The following ZMYND11 variants were observed in gnomAD, a reference collection of about 807,000 sequenced individuals.
ZMYND11 encodes zinc finger MYND domain-containing protein 11.
ZMYND11 carries 9 observed loss-of-function variants against 84.9 expected under a neutral mutation model. The observed-to-expected ratio is 0.11, with a 90% CI of 0.06 to 0.18. The LOEUF is 0.18. ZMYND11 is among the 10% of genes least tolerant of loss of function. The probability of loss-of-function intolerance (pLI) is 1.00; values close to 1 mark genes in which losing one functional copy is unlikely to be tolerated. For synonymous variants in ZMYND11, 250 were observed against 244.1 expected (o/e 1.02, Z -0.23); for missense variants, 409 against 761.0 (o/e 0.54, Z 5.44).
chr10:144,526 T>C (rs1838253851), intron 1 of ZMYND11, among the ~76,000 whole-genome samples: 1 of 152,000 alleles, frequency 6.6e-6, no homozygotes, highest in South Asian at 2.1e-4. Flanking sequence ...CTGGCCTATT[T>C]TTTAAAATAA....
intron 1 of ZMYND11, among the ~76,000 whole-genome samples, chr10:172,825 C>T (rs1314534513): frequency 6.6e-6 from 1 of 152,076 alleles, no homozygotes; most frequent in Non-Finnish European, 1.5e-5. Flanking sequence ...ACTGATACTA[C>T]CTGACTTAAA....
chr10:230,869 C>T (rs1367532022), intron 4 of ZMYND11, among the ~76,000 whole-genome samples: 1 of 152,102 alleles, frequency 6.6e-6, no homozygotes, highest in Non-Finnish European at 1.5e-5. Context: ...ACGTATCGAA[C>T]GTTTACTGTG....
intron 2 of ZMYND11, among the ~76,000 whole-genome samples, chr10:189,103 C>T (rs538870277): frequency 1.3e-5 from 2 of 152,184 alleles, no homozygotes; most frequent in Non-Finnish European, 2.9e-5. Flanking sequence ...GCTTACTTTA[C>T]GGTCAGACCC....
At chr10:240,183 T>C (rs1361382184) in intron 8 of ZMYND11, 72 bp downstream of exon 8, 10 of 1,298,904 alleles carry the variant, frequency 7.7e-6, no homozygotes, top group African/African-American at 4.5e-5. Context: ...TCCACTCTTA[T>C]CTACATTTTA....
chr10:227,064 CAA>C (rs1300606745), intron 4 of ZMYND11, among the ~76,000 whole-genome samples: 3 of 152,046 alleles, frequency 2.0e-5, no homozygotes, highest in African/African-American at 7.2e-5. Context: ...GCCCACTTAA[CAA>C]GATGTAGAAA....
At chr10:142,518 A>T (rs1554754195) in intron 1 of ZMYND11, among the ~76,000 whole-genome samples, 1 of 152,188 alleles carries the variant, frequency 6.6e-6, no homozygotes, top group African/African-American at 2.4e-5. Context: ...GAATAGACTT[A>T]GAAGGGTTAA....
In ZMYND11 at chr10:216,928, C is replaced by G. The variant is rs1013993008; in HGVS notation, c.277-4267C>G. 3.3e-5 allele frequency among the ~76,000 whole-genome samples: 5 copies of G among 151,988 alleles called. No homozygotes were observed. In the South Asian group the frequency reaches 8.3e-4, roughly 25 times the overall value. ...AAATATGTAACCATCAGATTATTAT[C>G]TCCTAATGATAAACAGAATTTGTTA... On this transcript the variant is annotated intron_variant, in intron 3 of 14. Coordinates refer to ENST00000381604, the MANE Select transcript of ZMYND11 (RefSeq NM_001370100.5).
intron 1 of ZMYND11, among the ~76,000 whole-genome samples, chr10:145,246 G>A (rs1838527843): frequency 1.3e-5 from 2 of 149,226 alleles, no homozygotes; most frequent in South Asian, 2.1e-4. Flanking sequence ...GTGTGTGTAT[G>A]TATATATATA....
chr10:239,388 G>C, intron 6 of ZMYND11, 50 bp from the exon 7 acceptor site: 1 of 1,495,740 alleles, frequency 6.7e-7, no homozygotes, highest in Non-Finnish European at 9.3e-7. Context: ...GTCCAGACAA[G>C]TATTTTTACT....
intron 1 of ZMYND11, among the ~76,000 whole-genome samples, chr10:146,729 C>T (rs991026774): frequency 6.6e-6 from 1 of 152,180 alleles, no homozygotes; most frequent in Non-Finnish European, 1.5e-5. Flanking sequence ...AATTGTAGCT[C>T]CCATAATCCC....
rs556783211 is a variant in ZMYND11, at chr10:226,049, G to C, written c.438+4693G>C. Among the ~76,000 whole-genome samples, 4 of 152,284 alleles carry C rather than the reference G, an allele frequency of 2.6e-5. No individual in the cohort carries two copies. The South Asian group carries it at 8.3e-4, about 32-fold the overall frequency. On this transcript the variant is annotated intron_variant, in intron 4 of 14. Transcript: ENST00000381604. ...CATGGGGCTTGTGGCTACCATATTA[G>C]ATAGTGCAGTTTTAGAACATTCATG...
chr10:166,618 T>A (rs950564515), intron 1 of ZMYND11, among the ~76,000 whole-genome samples: 3 of 152,108 alleles, frequency 2.0e-5, no homozygotes, highest in Non-Finnish European at 2.9e-5. Flanking sequence ...TGTGGAGAAA[T>A]TGGAACACTT....
intron 6 of ZMYND11, 91 bp downstream of exon 6, chr10:237,768 CTCT>C (rs1405393551): frequency 3.4e-6 from 3 of 894,288 alleles, no homozygotes; most frequent in Admixed American, 5.9e-5. Context: ...ATTTTGGTTG[CTCT>C]TCTTTCCTTG....
rs562249187 is a variant in ZMYND11, at chr10:236,547, ATTTG to A, written c.439-287_439-284del. Among the ~76,000 whole-genome samples the A allele has an allele frequency of 6.6e-4, 101 of 152,330 alleles. 2 individuals are homozygous for A. The South Asian group carries it at 0.013, about 19-fold the overall frequency. ...TAAGCGATTATCCCTTATGTCTATT[ATTTG>A]TTTATCTAAAAATTAAGTTTTAAAA... On this transcript the variant is annotated intron_variant, in intron 4 of 14. Coordinates refer to ENST00000381604, the MANE Select transcript of ZMYND11 (RefSeq NM_001370100.5).
chr10:199,742 T>G (rs947585439), intron 2 of ZMYND11, among the ~76,000 whole-genome samples: 1 of 152,182 alleles, frequency 6.6e-6, no homozygotes, highest in Non-Finnish European at 1.5e-5. Flanking sequence ...CACAACATTG[T>G]TTTTTGAAAC....
intron 10 of ZMYND11, among the ~76,000 whole-genome samples, chr10:246,512 G>A (rs1330655198): frequency 6.6e-6 from 1 of 152,190 alleles, no homozygotes; most frequent in Non-Finnish European, 1.5e-5. Flanking sequence ...TGTCGACTGT[G>A]AAAGACAAAA....
intron 4 of ZMYND11, among the ~76,000 whole-genome samples, chr10:235,539 C>A (rs1436046828): frequency 6.6e-6 from 1 of 152,092 alleles, no homozygotes; most frequent in African/African-American, 2.4e-5. Flanking sequence ...AACAAATGAA[C>A]AAGCAAATAC....
chr10:162,143 CAAG>C (rs1329251681), intron 1 of ZMYND11, among the ~76,000 whole-genome samples: 5 of 152,142 alleles, frequency 3.3e-5, no homozygotes, highest in East Asian at 1.9e-4. Context: ...TGTTGTGTCT[CAAG>C]GAGGCTCGAG....
intron 4 of ZMYND11, among the ~76,000 whole-genome samples, chr10:229,807 T>G (rs1948698118): frequency 1.3e-5 from 2 of 152,230 alleles, no homozygotes; most frequent in Admixed American, 6.5e-5. Context: ...CCAGCTTCAC[T>G]TTTAACTTCT....
Sources: gnomAD v4.1 joint callset for allele counts (sites outside exome capture counted in the v4.1 genomes callset) on GRCh38, gnomAD v4.1.1 for gene constraint, MANE v1.5 for transcripts, NCBI Gene and HGNC (gene_info 2026-07-23, HGNC 2026-07-21) for gene names.